CCDC138: variants seen among roughly 807,000 people sequenced by gnomAD.
CCDC138 encodes the protein coiled-coil domain-containing protein 138.
CCDC138 carries 66 observed loss-of-function variants against 82.3 expected under a neutral mutation model. The observed-to-expected ratio is 0.80, with a 90% confidence interval of 0.66 to 0.98. The LOEUF is 0.98. Among genes scored for constraint, CCDC138 ranks in the 50% least tolerant of loss-of-function variants. The pLI is 0.00. For synonymous variants in CCDC138, 297 were observed against 265.4 expected (o/e 1.12, Z -1.16); for missense variants, 816 against 758.9 (o/e 1.08, Z -0.88).
intron 6 of CCDC138, among the ~76,000 whole-genome samples, chr2:108,802,937 G>A (rs1682185008): frequency 6.6e-6 from 1 of 152,140 alleles, no homozygotes; most frequent in African/African-American, 2.4e-5. Context: ...TACATTTATT[G>A]ATTTGCGTAT....
chr2:108,866,037 G>T (rs1275970967), intron 13 of CCDC138, among the ~76,000 whole-genome samples: 1 of 152,172 alleles, frequency 6.6e-6, no homozygotes, highest in Non-Finnish European at 1.5e-5. Flanking sequence ...TGTGCAAGAG[G>T]ACTATGGTAG....
chr2:108,810,328 A>T lies in CCDC138; in HGVS notation c.856-2303A>T, dbSNP rs187492194. On this transcript the variant is annotated intron_variant, in intron 7 of 14. Transcript: ENST00000295124. ...TTGAAGTACATTCCTTCTGTACCTA[A>T]TTTTTTGAGAGTTTTTACTGTGAAG... 4.5e-3 allele frequency among the ~76,000 whole-genome samples: 687 copies of T among 152,216 alleles called. 4 individuals are homozygous for T. The highest frequency in any genetic ancestry group is 0.016 in the African/African-American group (656 of 41,542).
intron 13 of CCDC138, among the ~76,000 whole-genome samples, chr2:108,866,842 C>G (rs1694491902): frequency 6.6e-6 from 1 of 151,326 alleles, no homozygotes; most frequent in African/African-American, 2.4e-5. Flanking sequence ...GAGATCACGC[C>G]ACGGCACTCC....
intron 10 of CCDC138, among the ~76,000 whole-genome samples, chr2:108,825,008 A>G (rs1686319754): frequency 6.6e-6 from 1 of 152,238 alleles, no homozygotes; most frequent in Non-Finnish European, 1.5e-5. Context: ...GGAACTAGAC[A>G]TATGTATGGA....
chr2:108,878,953 CAA>C (rs1696201098), downstream of CCDC138, among the ~76,000 whole-genome samples: 2 of 151,770 alleles, frequency 1.3e-5, no homozygotes, highest in South Asian at 2.1e-4. Context: ...ATAGATATAG[CAA>C]AAAATAGAAT....
In CCDC138 at chr2:108,842,153, G is replaced by C. The variant is rs572522427; in HGVS notation, c.1323+2852G>C. Among the ~76,000 whole-genome samples the C allele has an allele frequency of 2.6e-5, 4 of 151,498 alleles. No individual in the cohort carries two copies. In the East Asian group the frequency reaches 5.8e-4, roughly 22 times the overall value. On this transcript the variant is annotated intron_variant, in intron 11 of 14. Transcript: ENST00000295124. ...AGCAATCCTTCTGCCTCAGCCTCCTGTGTAGCTAGGATTACAGACGTTCGC... is the reference window on the plus strand; with the variant it reads ...AGCAATCCTTCTGCCTCAGCCTCCTCTGTAGCTAGGATTACAGACGTTCGC...
downstream of CCDC138, among the ~76,000 whole-genome samples, chr2:108,877,200 G>A (rs557690272): frequency 6.6e-6 from 1 of 152,138 alleles, no homozygotes; most frequent in African/African-American, 2.4e-5. Context: ...AGGCGCGGTG[G>A]CTTACGCCTG....
At position 108,809,448 on chromosome 2, in the gene CCDC138, T is replaced by TTGTGTGTGTG. The variant is rs56122981; in HGVS notation, c.856-3152_856-3143dup. 8.2e-4 allele frequency among the ~76,000 whole-genome samples: 116 copies of TTGTGTGTGTG among 141,222 alleles called. 1 individual carries two copies. Among genetic ancestry groups the TTGTGTGTGTG allele is most frequent in the South Asian group, 4.0e-3 (17 of 4,216 alleles). The allele number at this position is 141,222 out of a possible 152,430, so 92.6% of individuals were successfully genotyped here. A position where few individuals can be genotyped will look rare whatever the true frequency, so the allele number is the denominator to read the frequency against. On this transcript the variant is annotated intron_variant, in intron 7 of 14. Coordinates refer to ENST00000295124, the MANE Select transcript of CCDC138 (RefSeq NM_144978.3). ...TGTTCCAGTCCATGAACATGAAATG[T>TTGTGTGTGTG]TGTGTGTGTGTGTGTGTGTGTGTGT...
intron 1 of CCDC138, among the ~76,000 whole-genome samples, chr2:108,787,543 A>G (rs1334650384): frequency 6.6e-6 from 1 of 152,226 alleles, no homozygotes; most frequent in Admixed American, 6.5e-5. Flanking sequence ...AATATTTGGT[A>G]ATCTAGAGTT....
chr2:108,845,085 G>A (rs977773884), intron 11 of CCDC138, among the ~76,000 whole-genome samples: 8 of 151,932 alleles, frequency 5.3e-5, no homozygotes, highest in Non-Finnish European at 1.5e-5. Flanking sequence ...TTATAAAAGT[G>A]TAGTAGTAAA....
At chr2:108,798,708 T>TACACAC (rs34242205) in intron 6 of CCDC138, 122 bp downstream of exon 6, 122 of 429,152 alleles carry the variant, frequency 2.8e-4, no homozygotes, top group African/African-American at 1.9e-3. Flanking sequence ...TCTCCACGCC[T>TACACAC]ACACACACAC....
Position 108,876,421 on chromosome 2 carries a change from C to G in CCDC138, c.*168C>G. 1 of 434,320 alleles carries G rather than the reference C, an allele frequency of 2.3e-6. No individual in the cohort carries two copies. The highest frequency in any genetic ancestry group is 4.0e-6 in the Non-Finnish European group (1 of 248,514). 26.9% of individuals were successfully genotyped at this position (434,320 alleles called of 1,614,324 possible). On this transcript the variant is annotated 3_prime_UTR_variant, in exon 15 of 15. Coordinates refer to ENST00000295124, the MANE Select transcript of CCDC138 (RefSeq NM_144978.3). Reference sequence around the variant, plus strand: ...ATGAAATCTGTAGAAGGTATTGGAACTTTTGGAATGTTTCAGTTCAGGTAA... The same window carrying G: ...ATGAAATCTGTAGAAGGTATTGGAAGTTTTGGAATGTTTCAGTTCAGGTAA...
chr2:108,792,110 G>A (rs1226625033), intron 4 of CCDC138, among the ~76,000 whole-genome samples: 1 of 152,160 alleles, frequency 6.6e-6, no homozygotes, highest in East Asian at 1.9e-4. Context: ...ATTATTTGAA[G>A]TATGGATTTC....
chr2:108,794,824 A>G (rs1680588249), intron 5 of CCDC138, 103 bp downstream of exon 5: 3 of 934,738 alleles, frequency 3.2e-6, no homozygotes, highest in South Asian at 1.7e-5. Flanking sequence ...ATTACTTTAG[A>G]TAAGTTTGTC....
chr2:108,804,829 G>T, intron 6 of CCDC138, 60 bp from the exon 7 acceptor site: 1 of 1,374,096 alleles, frequency 7.3e-7, no homozygotes, highest in Non-Finnish European at 9.5e-7. Flanking sequence ...ACGTTCCATA[G>T]TATTAGTGAT....
At chr2:108,807,061 A>G (rs1039538156) in intron 7 of CCDC138, among the ~76,000 whole-genome samples, 6 of 152,238 alleles carry the variant, frequency 3.9e-5, no homozygotes, top group Admixed American at 6.5e-5. Context: ...AGAGGAAAAT[A>G]TGTCTTTCAT....
intron 3 of CCDC138, 128 bp downstream of exon 3, chr2:108,789,094 G>A: frequency 1.3e-6 from 1 of 774,370 alleles, no homozygotes; most frequent in Non-Finnish European, 2.0e-6. Context: ...AAGGCAGTCT[G>A]GAGCCTGCTA....
intron 10 of CCDC138, among the ~76,000 whole-genome samples, chr2:108,816,409 G>A (rs899817500): frequency 6.6e-6 from 1 of 152,014 alleles, no homozygotes; most frequent in Admixed American, 6.6e-5. Context: ...CAAGATTGCA[G>A]CACTGCACTC....
chr2:108,794,852 G>A, intron 5 of CCDC138, 131 bp downstream of exon 5: 2 of 681,872 alleles, frequency 2.9e-6, no homozygotes, highest in Admixed American at 3.1e-5. Context: ...GGACGGAAGG[G>A]GACAAACTCA....
Sources: gnomAD v4.1 joint callset for allele counts (sites outside exome capture counted in the v4.1 genomes callset) on GRCh38, gnomAD v4.1.1 for gene constraint, MANE v1.5 for transcripts, NCBI Gene and HGNC (gene_info 2026-07-23, HGNC 2026-07-21) for gene names.